Variants in SPATA6L observed in about 807,000 individuals in gnomAD.
SPATA6L encodes spermatogenesis associated 6 like.
SPATA6L carries 68 observed loss-of-function variants against 49.2 expected under a neutral mutation model. The ratio of observed to expected loss-of-function variants is 1.38; its 90% CI spans 1.14 to 1.69. SPATA6L has a LOEUF of 1.69. Ranked by LOEUF, SPATA6L falls within the 40% of genes most tolerant of loss-of-function variation. The pLI is 0.00. For missense variants in SPATA6L, 668 were observed against 464.3 expected, an observed-to-expected ratio of 1.44 and a Z score of -4.03; for synonymous variants, 198 against 165.7, an observed-to-expected ratio of 1.19 and a Z score of -1.50.
intron 6 of SPATA6L, among the ~76,000 whole-genome samples, chr9:4,624,004 C>T (rs1306007065): frequency 1.3e-5 from 2 of 152,114 alleles, no homozygotes; most frequent in African/African-American, 4.8e-5. Context: ...TCTGTTTTAC[C>T]TACAAACCAA....
At chr9:4,640,039 TAA>T (rs1833699848) in intron 3 of SPATA6L, among the ~76,000 whole-genome samples, 1 of 152,238 alleles carries the variant, frequency 6.6e-6, no homozygotes, top group Non-Finnish European at 1.5e-5. Context: ...TATGAAAGTA[TAA>T]AATATTGCTA....
chr9:4,628,557 A>T (rs1201081612), intron 5 of SPATA6L: 4 of 152,752 alleles, frequency 2.6e-5, no homozygotes, highest in Non-Finnish European at 5.8e-5. Flanking sequence ...GGCGATTTGC[A>T]TGCCTCAGCC....
chr9:4,598,234 T>C (rs1450729382), downstream of SPATA6L, among the ~76,000 whole-genome samples: 2 of 151,924 alleles, frequency 1.3e-5, no homozygotes, highest in South Asian at 2.1e-4. Flanking sequence ...AACATGCCCA[T>C]AAAATATGCT....
chr9:4,638,090 A>C (rs928996063), intron 3 of SPATA6L, among the ~76,000 whole-genome samples: 5 of 152,276 alleles, frequency 3.3e-5, no homozygotes, highest in African/African-American at 1.2e-4. Context: ...ACAGTCTAAG[A>C]GTATTAAACA....
intron 3 of SPATA6L, among the ~76,000 whole-genome samples, chr9:4,648,381 T>C (rs1835924257): frequency 6.6e-6 from 1 of 152,164 alleles, no homozygotes; most frequent in African/African-American, 2.4e-5. Flanking sequence ...TTTCCACAGG[T>C]TATTGGGGAA....
In SPATA6L at chr9:4,629,148, C is replaced by T. The variant is rs1289530352; in HGVS notation, c.372G>A (p.Glu124=). 6.2e-7 allele frequency: 1 copy of T among 1,609,448 alleles called. No homozygotes were observed. The highest frequency in any genetic ancestry group is 1.4e-5 in the African/African-American group (1 of 73,420). The change falls in exon 5 of 12, where the codon GAG becomes GAA. Residue 124 remains glutamate, a synonymous_variant. Coordinates refer to ENST00000682582, the MANE Select transcript of SPATA6L (RefSeq NM_001353486.2). The part of the protein sequence containing the change: ...LGFPGIAPKI[E]FSTRTAIREC... ...CTCTGATGGCTGTCCTTGTAGAAAA[C>T]TCTATTTTGGGAGCAATGCCCTATA...
rs560039476 is a variant in SPATA6L at position 4,636,519 on chromosome 9, C to A, written c.227-1120G>T. 7.7e-4 allele frequency among the ~76,000 whole-genome samples: 118 copies of A among 152,266 alleles called. 3 individuals are homozygous for A. The South Asian group carries it at 0.024, about 31-fold the overall frequency. On this transcript the variant is annotated intron_variant, in intron 3 of 11. Transcript: ENST00000682582. ...ATCACCTTTGACCACACAGCAGGTGCCACACAAGTGATCTGGACTGAGAGT... is the reference window on the plus strand; with the variant it reads ...ATCACCTTTGACCACACAGCAGGTGACACACAAGTGATCTGGACTGAGAGT...
intron 2 of SPATA6L, among the ~76,000 whole-genome samples, chr9:4,660,783 A>C (rs1197868372): frequency 6.6e-6 from 1 of 152,240 alleles, no homozygotes; most frequent in African/African-American, 2.4e-5. Flanking sequence ...AACCAACCCA[A>C]ATGTCCATCA....
In SPATA6L at chr9:4,627,723, C is replaced by T. The variant is rs1264604222; in HGVS notation, c.429+1368G>A. On this transcript the variant is annotated intron_variant, in intron 5 of 11. Transcript: ENST00000682582. ...AAGCAAGTAAAATTGAGGTAGTACA[C>T]ATGGATGCCCTAAGACGCTTCACGC... The T allele has an allele frequency of 3.1e-6, 4 of 1,288,614 alleles. No individual in the cohort carries two copies. The African/African-American group carries it at 6.1e-5, about 20-fold the overall frequency. 79.8% of individuals were successfully genotyped at this position (1,288,614 alleles called of 1,614,324 possible). A position where few individuals can be genotyped will look rare whatever the true frequency, so the allele number is the denominator to read the frequency against.
intron 9 of SPATA6L, among the ~76,000 whole-genome samples, chr9:4,611,437 G>A (rs1468042715): frequency 6.7e-6 from 1 of 149,352 alleles, no homozygotes; most frequent in Non-Finnish European, 1.5e-5. Context: ...AGAAAATGTG[G>A]CACATATATA....
chr9:4,649,544 G>A (rs1339484952), intron 3 of SPATA6L, among the ~76,000 whole-genome samples: 1 of 152,188 alleles, frequency 6.6e-6, no homozygotes, highest in African/African-American at 2.4e-5. Flanking sequence ...ATGTGGACAA[G>A]GTCACACTGG....
In SPATA6L at chr9:4,605,432, G is replaced by GGATGGAACCTGCTCAACA. The variant is rs1264298766; in HGVS notation, c.996-10_1003dup (p.His334_Pro335insLeuLeuSerArgPheHis). ...ATTCTTCCATGTGGACTGAGAACCAGGATGGAACCTGCTCAACAGATGGAA... is the reference window on the plus strand; with the variant it reads ...ATTCTTCCATGTGGACTGAGAACCAGGATGGAACCTGCTCAACAGATGGAACCTGCTCAACAGATGGAA... On this transcript the variant is annotated inframe_insertion, in exon 10 of 12. Transcript: ENST00000682582. The GGATGGAACCTGCTCAACA allele has an allele frequency of 1.9e-6, 3 of 1,613,424 alleles. No homozygotes were observed. Among genetic ancestry groups the GGATGGAACCTGCTCAACA allele is most frequent in the Non-Finnish European group, 2.5e-6 (3 of 1,179,544 alleles).
Position 4,662,732 on chromosome 9 carries a change from G to A in SPATA6L, c.40-696C>T. On this transcript the variant is annotated intron_variant, in intron 1 of 11. Transcript: ENST00000682582. This position sits in a 1 kb window ranked among gnomAD's most constrained non-coding sequence, Gnocchi z 4.9. ...TGTGGCTGTCCAAGAAGCTGGGGGT[G>A]TGCGCGGGAGAGAGCTCGTCGTGGG... is the stretch of plus-strand genomic sequence containing the variant. 2 of 1,603,122 alleles carry A rather than the reference G, an allele frequency of 1.2e-6. No individual in the cohort carries two copies. Among genetic ancestry groups the A allele is most frequent in the Admixed American group, 1.7e-5 (1 of 60,026 alleles).
Position 4,662,208 on chromosome 9 carries a change from T to G in SPATA6L, c.40-172A>C. The G allele has an allele frequency of 2.8e-6, 4 of 1,436,038 alleles. No individual in the cohort carries two copies. The highest frequency in any genetic ancestry group is 3.6e-6 in the Non-Finnish European group (4 of 1,099,592). 89.0% of individuals were successfully genotyped at this position (1,436,038 alleles called of 1,614,324 possible). ...CATCCTCCCCTCTGCTCTCCTCACA[T>G]TGGAAATTCCAACTCCCTCCCACGT... On this transcript the variant is annotated intron_variant, in intron 1 of 11. Transcript: ENST00000682582. This position sits in a 1 kb window ranked among gnomAD's most constrained non-coding sequence, Gnocchi z 4.9.
chr9:4,660,208 C>G (rs1199937017), intron 2 of SPATA6L, among the ~76,000 whole-genome samples: 1 of 152,160 alleles, frequency 6.6e-6, no homozygotes, highest in Non-Finnish European at 1.5e-5. Flanking sequence ...AGAGCTTCTG[C>G]ACAGCAAAAG....
At chr9:4,640,713 T>G (rs1042902951) in intron 3 of SPATA6L, among the ~76,000 whole-genome samples, 3 of 152,076 alleles carry the variant, frequency 2.0e-5, no homozygotes, top group African/African-American at 7.2e-5. Context: ...AAAACATACC[T>G]TGAACAAATT....
In SPATA6L at chr9:4,650,824, TTGTGTGTGTGTGTGTGTGTGTGTGTG is replaced by T. The variant is rs59184426; in HGVS notation, c.226+5191_226+5216del. Among the ~76,000 whole-genome samples the T allele has an allele frequency of 3.5e-4, 48 of 137,144 alleles. No individual in the cohort carries two copies. In the Middle Eastern group the frequency reaches 0.011, roughly 32 times the overall value. The allele number at this position is 137,144 out of a possible 152,430, so 90.0% of individuals were successfully genotyped here. On this transcript the variant is annotated intron_variant, in intron 3 of 11. Transcript: ENST00000682582. ...ACAGGCAAGCACCACCAAACCCAGCTTGTGTGTGTGTGTGTGTGTGTGTGTGTGTGTGTGTGTGTGTGTGTGTGTGT... is the reference window on the plus strand; with the variant it reads ...ACAGGCAAGCACCACCAAACCCAGCTTGTGTGTGTGTGTGTGTGTGTGTGT...
intron 2 of SPATA6L, among the ~76,000 whole-genome samples, chr9:4,657,540 A>T (rs572553611): frequency 4.9e-4 from 72 of 148,158 alleles, no homozygotes; most frequent in Non-Finnish European, 7.2e-4. Context: ...ACTGTTTTTT[A>T]AAAAAAAAAG....
At chr9:4,609,359 A>G (rs551618570) in intron 9 of SPATA6L, among the ~76,000 whole-genome samples, 1 of 152,240 alleles carries the variant, frequency 6.6e-6, no homozygotes, top group South Asian at 2.1e-4. Context: ...AGAATTTTAG[A>G]CCAATATCCT....
Sources: allele counts gnomAD v4.1 joint callset (sites outside exome capture counted in the v4.1 genomes callset), GRCh38; gene constraint gnomAD v4.1.1; non-coding constraint Gnocchi (gnomAD v3.1); transcripts MANE v1.5; gene names NCBI Gene and HGNC (gene_info 2026-07-23, HGNC 2026-07-21).